The following CNGB3 variants were observed in gnomAD, a reference collection of about 807,000 sequenced individuals.
CNGB3 encodes the protein cyclic nucleotide-gated channel beta-3.
CNGB3 carries 86 observed loss-of-function variants against 92.8 expected under a neutral mutation model. The observed-to-expected ratio is 0.93, with a 90% confidence interval of 0.78 to 1.11. The LOEUF (loss-of-function observed/expected upper bound fraction) is 1.11, where lower values mean the gene tolerates loss of function less well. CNGB3 is among the 50% of genes least tolerant of loss of function. The pLI, the probability that CNGB3 is intolerant of heterozygous loss-of-function variation, is 0.00. For synonymous variants in CNGB3, 333 were observed against 332.7 expected (o/e 1.00, Z -0.01); for missense variants, 1,026 against 956.8 (o/e 1.07, Z -0.95).
chr8:86,632,782 T>C lies in CNGB3; in HGVS notation c.1290A>G (p.Gly430=). ...CAATTAAACTGGAGAACACAAAAAC[T>C]CCAGAAAAAAAATTCAAGAGTTGAA... The part of the protein sequence containing the change: ...IVFQLLNFFS[G]VFVFSSLIGQ... Residue 430 remains glycine (G), a synonymous_variant, in exon 11 of 18, where the codon GGA becomes GGG. Coordinates refer to ENST00000320005, the MANE Select transcript of CNGB3 (RefSeq NM_019098.5). The C allele has an allele frequency of 6.2e-7, 1 of 1,612,814 alleles. No individual in the cohort carries two copies. The highest frequency in any genetic ancestry group is 8.5e-7 in the Non-Finnish European group (1 of 1,179,750).
At chr8:86,669,094 T>C (rs955172764) in intron 4 of CNGB3, among the ~76,000 whole-genome samples, 6 of 151,778 alleles carry the variant, frequency 4.0e-5, no homozygotes, top group Non-Finnish European at 5.9e-5. Flanking sequence ...GGATGAAATA[T>C]AGTGTCTGGA....
At chr8:86,725,934 C>T (rs538354214) in intron 3 of CNGB3, among the ~76,000 whole-genome samples, 2 of 152,206 alleles carry the variant, frequency 1.3e-5, no homozygotes, top group South Asian at 4.1e-4. Context: ...AATGAAGGAC[C>T]TCCTTGTTGG....
chr8:86,649,935 A>C (rs1338025190), intron 7 of CNGB3, among the ~76,000 whole-genome samples: 1 of 151,750 alleles, frequency 6.6e-6, no homozygotes, highest in Non-Finnish European at 1.5e-5. Context: ...CAAGGAACTC[A>C]AACAAATCAG....
At chr8:86,612,678 A>G (rs907987023) in intron 13 of CNGB3, among the ~76,000 whole-genome samples, 2 of 152,234 alleles carry the variant, frequency 1.3e-5, no homozygotes, top group African/African-American at 4.8e-5. Context: ...AGGCAAGCTA[A>G]TAATTTATGA....
intron 13 of CNGB3, among the ~76,000 whole-genome samples, chr8:86,612,386 G>C (rs1822539419): frequency 6.6e-6 from 1 of 152,102 alleles, no homozygotes; most frequent in Admixed American, 6.6e-5. Context: ...TGAATCTTTT[G>C]CTTTCAACAA....
chr8:86,621,803 G>A (rs563174483), intron 13 of CNGB3, among the ~76,000 whole-genome samples: 7 of 152,252 alleles, frequency 4.6e-5, no homozygotes, highest in South Asian at 2.1e-4. Context: ...GGTGGCTCAC[G>A]CCTGTAATCC....
chr8:86,690,524 T>C lies in CNGB3; in HGVS notation c.339-19426A>G, dbSNP rs1350886660. On this transcript the variant is annotated intron_variant, in intron 3 of 17. Transcript: ENST00000320005. ...TCTGTAGGTTGCCTATTCACTCTGATGGTAGTTTCTTTTGCTGTGCAGAAG... is the reference window on the plus strand; with the variant it reads ...TCTGTAGGTTGCCTATTCACTCTGACGGTAGTTTCTTTTGCTGTGCAGAAG... Among the ~76,000 whole-genome samples, 9 of 152,358 alleles carry C rather than the reference T, an allele frequency of 5.9e-5. No homozygotes were observed. The East Asian group carries it at 1.7e-3, about 29-fold the overall frequency.
At chr8:86,676,332 A>C (rs16916713) in intron 3 of CNGB3, among the ~76,000 whole-genome samples, 2,611 of 152,196 alleles carry the variant, frequency 0.017, 67 homozygotes, top group African/African-American at 0.055. Flanking sequence ...GCACTTTGAT[A>C]ATATAAAGGG....
chr8:86,667,691 G>A (rs1402028241), intron 5 of CNGB3, among the ~76,000 whole-genome samples: 1 of 152,206 alleles, frequency 6.6e-6, no homozygotes, highest in Non-Finnish European at 1.5e-5. Context: ...TCAACAATGT[G>A]AAGCCATGGA....
chr8:86,586,029 T>A (rs552013448), intron 15 of CNGB3, among the ~76,000 whole-genome samples: 78 of 152,338 alleles, frequency 5.1e-4, no homozygotes, highest in African/African-American at 1.4e-3. Context: ...AAGTACTTTT[T>A]TGGATGCATC....
At chr8:86,590,306 G>C (rs1006474666) in intron 15 of CNGB3, among the ~76,000 whole-genome samples, 1 of 152,024 alleles carries the variant, frequency 6.6e-6, no homozygotes, top group Non-Finnish European at 1.5e-5. Context: ...TTGCCAGTCT[G>C]TGTCTTTTAA....
intron 15 of CNGB3, chr8:86,594,591 G>T: frequency 7.6e-6 from 2 of 263,782 alleles, no homozygotes; most frequent in Non-Finnish European, 1.5e-5. Context: ...TTCACCCTGA[G>T]AGGGATGCAA....
intron 10 of CNGB3, among the ~76,000 whole-genome samples, chr8:86,637,472 A>G (rs1007508870): frequency 2.7e-5 from 4 of 150,126 alleles, no homozygotes; most frequent in Admixed American, 1.3e-4. Context: ...AAATTTTTGG[A>G]TTTTTTTCTG....
At position 86,743,588 on chromosome 8, in the gene CNGB3, T is replaced by C. The variant is rs1825378071; in HGVS notation, c.40A>G (p.Ile14Val). 2 of 1,613,918 alleles carry C rather than the reference T, an allele frequency of 1.2e-6. No individual in the cohort carries two copies. Among genetic ancestry groups the C allele is most frequent in the Admixed American group, 1.7e-5 (1 of 60,002 alleles). ...TGTTCATTCTCATTGTTCTCTCCTA[T>C]AGGCTTCACCTTGTTGACTTTTGTC... Reference protein sequence around the residue: ...SLTKVNKVKPIGENNENEQSS... With the variant: ...SLTKVNKVKPVGENNENEQSS... Residue 14 changes from isoleucine (I) to valine (V), a missense_variant, in exon 1 of 18, where the codon ATA becomes GTA. Physicochemically the swap from Ile to Val is conservative, Grantham distance 29. Coordinates refer to ENST00000320005, the MANE Select transcript of CNGB3 (RefSeq NM_019098.5).
chr8:86,659,681 C>T, intron 6 of CNGB3: 1 of 433,852 alleles, frequency 2.3e-6, no homozygotes. Context: ...TGCCTGGCAG[C>T]ATGCTGAGTG....
intron 4 of CNGB3, 95 bp from the exon 5 acceptor site, chr8:86,668,263 A>G: frequency 1.6e-6 from 2 of 1,283,916 alleles, no homozygotes; most frequent in African/African-American, 1.5e-5. Context: ...GCATGTTCTC[A>G]CTCATAAGTG....
rs369526115 is a variant in CNGB3, at chr8:86,579,223, C to T, written c.1811G>A (p.Arg604Gln). Residue 604 changes from arginine to glutamine, a missense_variant, in exon 16 of 18, where the codon CGA becomes CAA. Physicochemically the swap from Arg to Gln is conservative, Grantham distance 43. Transcript: ENST00000320005. ...SLLAAGGGNRRTANVVAHGFA... is the reference protein window; with the variant it reads ...SLLAAGGGNRQTANVVAHGFA... ...CCCGTGGGCCACCACATTGGCAGTT[C>T]GACGGTTTCCTCCTCCTGCTGCTAG... 75 of 1,613,856 alleles carry T rather than the reference C, an allele frequency of 4.6e-5. No homozygotes were observed. The highest frequency in any genetic ancestry group is 3.2e-4 in the African/African-American group (24 of 74,876).
intron 15 of CNGB3, among the ~76,000 whole-genome samples, chr8:86,592,397 A>G (rs1217092628): frequency 6.6e-6 from 1 of 152,226 alleles, no homozygotes; most frequent in African/African-American, 2.4e-5. Context: ...GCTTACTATG[A>G]GCGAGATATT....
At position 86,641,463 on chromosome 8, in the gene CNGB3, G is replaced by A. The variant is rs540382965; in HGVS notation, c.1178+2288C>T. ...CAAGGTCCAAGAACCCTCTCTTGGGGTCTGGATCAGGACCCCTTTCTGGTA... is the reference window on the plus strand; with the variant it reads ...CAAGGTCCAAGAACCCTCTCTTGGGATCTGGATCAGGACCCCTTTCTGGTA... On this transcript the variant is annotated intron_variant, in intron 10 of 17. Coordinates refer to ENST00000320005, the MANE Select transcript of CNGB3 (RefSeq NM_019098.5). Among the ~76,000 whole-genome samples, 3 of 151,970 alleles carry A rather than the reference G, an allele frequency of 2.0e-5. No individual in the cohort carries two copies. The East Asian group carries it at 5.8e-4, about 29-fold the overall frequency.
Sources: gnomAD v4.1 joint callset for allele counts (sites outside exome capture counted in the v4.1 genomes callset) on GRCh38, gnomAD v4.1.1 for gene constraint, MANE v1.5 for transcripts, NCBI Gene and HGNC (gene_info 2026-07-23, HGNC 2026-07-21) for gene names.